The following ROBO2 variants were observed in gnomAD, a reference collection of about 807,000 sequenced individuals.
ROBO2 encodes roundabout guidance receptor 2.
A neutral mutation model predicts 160.8 loss-of-function variants in ROBO2; 53 were observed. That is an observed-to-expected ratio of 0.33 (90% CI 0.26 to 0.41). The LOEUF is 0.41. Ranked by LOEUF, ROBO2 falls within the 10% of genes least tolerant of loss-of-function variation. ROBO2 has a pLI of 1.00. For missense variants in ROBO2, 1,577 were observed against 1,722.4 expected, an observed-to-expected ratio of 0.92 and a Z score of 1.49; for synonymous variants, 664 against 611.7, an observed-to-expected ratio of 1.09 and a Z score of -1.26.
intron 2 of ROBO2, among the ~76,000 whole-genome samples, chr3:76,691,141 A>ATTC (rs2092793221): frequency 1.3e-5 from 2 of 152,090 alleles, no homozygotes; most frequent in Admixed American, 1.3e-4. Flanking sequence ...TCATGAATGG[A>ATTC]TTCATTCATT....
intron 2 of ROBO2, among the ~76,000 whole-genome samples, chr3:76,314,530 C>T (rs1319884963): frequency 6.6e-6 from 1 of 152,030 alleles, no homozygotes; most frequent in Non-Finnish European, 1.5e-5. Flanking sequence ...CATATGAGAA[C>T]TTTCTTCTGT....
intron 2 of ROBO2, among the ~76,000 whole-genome samples, chr3:76,727,548 C>T (rs985349594): frequency 5.3e-5 from 8 of 151,898 alleles, no homozygotes; most frequent in African/African-American, 1.7e-4. Flanking sequence ...AAACATACAA[C>T]GGAATAGTCT....
chr3:76,327,845 T>C (rs2073149264), intron 2 of ROBO2, among the ~76,000 whole-genome samples: 1 of 151,936 alleles, frequency 6.6e-6, no homozygotes, highest in Non-Finnish European at 1.5e-5. Context: ...CAACGGTGAA[T>C]AGAGTGTTAG....
chr3:77,627,847 G>A (rs2095063575), intron 23 of ROBO2, among the ~76,000 whole-genome samples: 1 of 152,142 alleles, frequency 6.6e-6, no homozygotes, highest in South Asian at 2.1e-4. Flanking sequence ...ACAATTAGCA[G>A]GGTCATCTTA....
intron 2 of ROBO2, among the ~76,000 whole-genome samples, chr3:77,158,903 G>A (rs1347434327): frequency 1.3e-5 from 2 of 152,034 alleles, no homozygotes; most frequent in Non-Finnish European, 2.9e-5. Flanking sequence ...CACATCATGG[G>A]TTCTAAAATG....
At chr3:77,602,406 T>A (rs1474483370) in exon 20 of ROBO2, 1 of 1,614,106 alleles carries the variant, frequency 6.2e-7, no homozygotes, top group Non-Finnish European at 8.5e-7. Flanking sequence ...ATCTGCCTGA[T>A]CCACAATGGA....
intron 2 of ROBO2, among the ~76,000 whole-genome samples, chr3:77,341,183 C>A (rs916129853): frequency 6.6e-6 from 1 of 152,044 alleles, no homozygotes; most frequent in South Asian, 2.1e-4. Flanking sequence ...ACATTCTGGC[C>A]CTTAACAGAA....
chr3:76,761,964 T>TA (rs1355861212), intron 2 of ROBO2, among the ~76,000 whole-genome samples: 1 of 151,650 alleles, frequency 6.6e-6, no homozygotes, highest in African/African-American at 2.4e-5. Flanking sequence ...AACTTTTTTT[T>TA]ATCTAATAAG....
intron 2 of ROBO2, among the ~76,000 whole-genome samples, chr3:76,127,668 A>C (rs1247618501): frequency 1.5e-4 from 23 of 151,922 alleles, no homozygotes; most frequent in Non-Finnish European, 1.5e-5. Flanking sequence ...CAATCTGTGA[A>C]TTATCTCATT....
At chr3:77,532,153 GC>G (rs1158524974) in intron 6 of ROBO2, among the ~76,000 whole-genome samples, 1 of 151,748 alleles carries the variant, frequency 6.6e-6, no homozygotes, top group African/African-American at 2.4e-5. Context: ...TGTGTACTTG[GC>G]AATGTCTGTC....
At chr3:76,971,914 T>C (rs911883940) in intron 2 of ROBO2, among the ~76,000 whole-genome samples, 1 of 152,200 alleles carries the variant, frequency 6.6e-6, no homozygotes, top group African/African-American at 2.4e-5. Flanking sequence ...GGATCTAACC[T>C]GGCAATTAAA....
chr3:76,827,001 T>C (rs1472530002), intron 2 of ROBO2, among the ~76,000 whole-genome samples: 1 of 152,168 alleles, frequency 6.6e-6, no homozygotes, highest in Non-Finnish European at 1.5e-5. Flanking sequence ...TGTTGGGACC[T>C]TTGGAGAGGG....
intron 5 of ROBO2, among the ~76,000 whole-genome samples, chr3:77,509,497 CTG>C (rs1457503365): frequency 6.6e-6 from 1 of 151,992 alleles, no homozygotes; most frequent in Non-Finnish European, 1.5e-5. Context: ...CTGTGAAAAA[CTG>C]TGTTAATTGT....
chr3:77,586,096 C>T (rs955255367), intron 16 of ROBO2, among the ~76,000 whole-genome samples: 2 of 152,078 alleles, frequency 1.3e-5, no homozygotes, highest in African/African-American at 4.8e-5. Flanking sequence ...AACACGCTGC[C>T]TTACACTGGC....
chr3:76,759,928 G>C (rs2061206930), intron 2 of ROBO2, among the ~76,000 whole-genome samples: 1 of 151,756 alleles, frequency 6.6e-6, no homozygotes, highest in Non-Finnish European at 1.5e-5. Context: ...TCATAACCAA[G>C]AATCTCATCC....
At chr3:76,767,596 C>A (rs1051976288) in intron 2 of ROBO2, among the ~76,000 whole-genome samples, 70 of 151,530 alleles carry the variant, frequency 4.6e-4, no homozygotes, top group African/African-American at 1.6e-3. Flanking sequence ...GACTTTGGAC[C>A]ATTTTAGTGC....
chr3:77,205,363 C>G (rs968872654), intron 2 of ROBO2, among the ~76,000 whole-genome samples: 12 of 151,946 alleles, frequency 7.9e-5, no homozygotes, highest in African/African-American at 2.9e-4. Context: ...CTGAGCACCC[C>G]CAGCAGAACT....
chr3:77,040,457 G>A (rs1222328272), exon 1 of ROBO2: 2 of 1,106,756 alleles, frequency 1.8e-6, no homozygotes, highest in African/African-American at 3.3e-5. Context: ...ACTTGGCTTT[G>A]GATTGCAGTG....
At chr3:77,275,972 G>A (rs2153363286) in intron 2 of ROBO2, among the ~76,000 whole-genome samples, 1 of 152,152 alleles carries the variant, frequency 6.6e-6, no homozygotes, top group Admixed American at 6.5e-5. Context: ...ACATCCAATT[G>A]TTTTCCCTTA....
Sources: allele counts gnomAD v4.1 joint callset (sites outside exome capture counted in the v4.1 genomes callset), GRCh38; gene constraint gnomAD v4.1.1; transcripts MANE v1.5; gene names NCBI Gene and HGNC (gene_info 2026-07-23, HGNC 2026-07-21).